The following KHDC4 variants were observed in gnomAD, a reference collection of about 807,000 sequenced individuals.
The protein encoded by KHDC4 is KH domain containing 4, pre-mRNA splicing factor.
A neutral mutation model predicts 74.5 loss-of-function variants in KHDC4; 19 were observed. That is an observed-to-expected ratio of 0.26 (90% CI 0.18 to 0.37). KHDC4 has a LOEUF of 0.37. KHDC4 is among the 10% of genes least tolerant of loss of function. KHDC4 has a pLI of 1.00. For missense variants in KHDC4, 632 were observed against 754.1 expected (o/e 0.84, Z 1.90); for synonymous variants, 253 against 266.1 (o/e 0.95, Z 0.48).
chr1:155,928,495 A>G (rs1674070685), intron 4 of KHDC4, among the ~76,000 whole-genome samples: 1 of 151,954 alleles, frequency 6.6e-6, no homozygotes, highest in Non-Finnish European at 1.5e-5. Context: ...CTATCAACTG[A>G]CAGTGAAGAG....
At chr1:155,933,513 T>C (rs1291386492) in intron 2 of KHDC4, 120 bp downstream of exon 2, 4 of 682,586 alleles carry the variant, frequency 5.9e-6, no homozygotes, top group South Asian at 2.0e-5. Flanking sequence ...CTCAAACTCC[T>C]GACCTTGTGA....
intron 10 of KHDC4, among the ~76,000 whole-genome samples, chr1:155,919,303 C>T (rs1673801422): frequency 6.6e-6 from 1 of 152,100 alleles, no homozygotes; most frequent in African/African-American, 2.4e-5. Context: ...TGCTGTATTG[C>T]TTCCCAATTA....
At chr1:155,933,885 G>A (rs1315392639) in intron 1 of KHDC4, 36 bp from the exon 2 acceptor site, 18 of 1,450,824 alleles carry the variant, frequency 1.2e-5, no homozygotes, top group Non-Finnish European at 1.7e-5. Context: ...AGGCCCCAAA[G>A]CTTTCGTGTA....
Position 155,925,822 on chromosome 1 carries a change from A to G in KHDC4, c.703T>C (p.Leu235=), listed in dbSNP as rs1447216100. The change falls in exon 7 of 14, where the codon TTA becomes CTA. Residue 235 remains leucine (L), a synonymous_variant. Coordinates refer to ENST00000368321, the MANE Select transcript of KHDC4 (RefSeq NM_014949.4). ...ACAGCATGTTCTAGACCCACAAATAATTTATCTTGAACATAATGCATCTGT... is the reference window on the plus strand; with the variant it reads ...ACAGCATGTTCTAGACCCACAAATAGTTTATCTTGAACATAATGCATCTGT... ...QSGMHYVQDK[L]FVGLEHAVPT... 1.2e-6 allele frequency: 2 copies of G among 1,613,114 alleles called. No homozygotes were observed. The highest frequency in any genetic ancestry group is 2.7e-5 in the African/African-American group (2 of 74,932).
rs1673979019 is a variant in KHDC4 at position 155,925,851 on chromosome 1, A to G, written c.682-8T>C. 9.5e-6 allele frequency: 15 copies of G among 1,577,862 alleles called. No homozygotes were observed. Among genetic ancestry groups the G allele is most frequent in the Non-Finnish European group, 1.2e-5 (14 of 1,147,092 alleles). The stretch of plus-strand genomic sequence containing the variant: ...ATCTTGAACATAATGCATCTGTAGG[A>G]AGAACAGAATACTTCAGATTAAACA... On this transcript the variant is annotated splice_polypyrimidine_tract_variant and splice_region_variant and intron_variant, in intron 6 of 13. Transcript: ENST00000368321.
chr1:155,929,622 C>T, intron 3 of KHDC4, 90 bp downstream of exon 3: 2 of 1,434,184 alleles, frequency 1.4e-6, no homozygotes, highest in Non-Finnish European at 1.9e-6. Context: ...CCCAAACCCA[C>T]TAATAAATAT....
At chr1:155,916,893 A>C in intron 11 of KHDC4, 156 bp from the exon 12 acceptor site, 1 of 556,346 alleles carries the variant, frequency 1.8e-6, no homozygotes, top group Non-Finnish European at 3.2e-6. Context: ...AACTGTAGTC[A>C]AAAGTAGGGA....
rs1673974925 is a variant in KHDC4, at chr1:155,925,663, C to G, written c.862G>C (p.Glu288Gln). ...TAAATATACATAGGTTCAAAAGCTT[C>G]TCGGCCAGATGCTGGCTCAATGCAG... The part of the protein sequence containing the change: ...SGCIEPASGR[E>Q]AFEPMYIYIS... The change falls in exon 7 of 14, where the codon GAA becomes CAA. Residue 288 changes from glutamate (E) to glutamine (Q), a missense_variant. Around this residue, in one of 4 missense-constraint regions of KHDC4, gnomAD observed 233 missense variants for 342.6 expected, o/e 0.68. Transcript: ENST00000368321. 6.2e-7 allele frequency: 1 copy of G among 1,614,078 alleles called. No individual in the cohort carries two copies. The highest frequency in any genetic ancestry group is 1.3e-5 in the African/African-American group (1 of 74,938).
rs760168909 is a variant in KHDC4, at chr1:155,916,667, G to A, written c.1511C>T (p.Ser504Leu). ...SSQNEIEGAG[S>L]KPASSSGKER... ...TTTGCCTGAGGAACTTGCTGGCTTC[G>A]ATCCTGCACCTTCAATCTCATTCTG... The change falls in exon 12 of 14, where the codon TCG (serine) becomes TTG (leucine). Residue 504 changes from serine (S) to leucine (L), a missense_variant. Ser to Leu is a moderately radical substitution (Grantham distance 145, BLOSUM62 -2). Coordinates refer to ENST00000368321, the MANE Select transcript of KHDC4 (RefSeq NM_014949.4). The A allele has an allele frequency of 1.4e-5, 22 of 1,613,572 alleles. No individual in the cohort carries two copies. The highest frequency in any genetic ancestry group is 1.7e-5 in the Non-Finnish European group (20 of 1,179,948).
chr1:155,921,535 G>A lies in KHDC4; in HGVS notation c.1106C>T (p.Pro369Leu). Residue 369 changes from proline to leucine, a missense_variant, in exon 10 of 14, where the codon CCT becomes CTT. Pro to Leu is a moderately conservative substitution (Grantham distance 98). Around this residue, in one of 4 missense-constraint regions of KHDC4, gnomAD observed 254 missense variants for 267.4 expected, o/e 0.95. Transcript: ENST00000368321. Reference sequence around the variant, plus strand: ...GGGAGGTTGAACTGGCTGCTGAGGAGGGGGAACAACAGGGTAACCAGACTG... The same window carrying A: ...GGGAGGTTGAACTGGCTGCTGAGGAAGGGGAACAACAGGGTAACCAGACTG... Reference protein sequence around the residue: ...GYQSGYPVVPPPQQPVQPPYG... With the variant: ...GYQSGYPVVPLPQQPVQPPYG... 1 of 1,614,114 alleles carries A rather than the reference G, an allele frequency of 6.2e-7. No homozygotes were observed.
chr1:155,933,343 T>C (rs1176030959), intron 2 of KHDC4, among the ~76,000 whole-genome samples: 2 of 150,634 alleles, frequency 1.3e-5, no homozygotes, highest in East Asian at 3.9e-4. Flanking sequence ...CAGGCTAGAG[T>C]GCACTGGCAC....
Position 155,913,867 on chromosome 1 carries a change from A to C in KHDC4, c.*254T>G. 1 of 487,788 alleles carries C rather than the reference A, an allele frequency of 2.1e-6. No individual in the cohort carries two copies. The highest frequency in any genetic ancestry group is 3.6e-5 in the East Asian group (1 of 27,592). 30.2% of individuals were successfully genotyped at this position (487,788 alleles called of 1,614,324 possible). ...TTAGGATGCTTTGTTGGACAAGCAC[A>C]TTTCACCAACTGTTAAAAAGCTTCT... On this transcript the variant is annotated 3_prime_UTR_variant, in exon 14 of 14. Coordinates refer to ENST00000368321, the MANE Select transcript of KHDC4 (RefSeq NM_014949.4).
intron 13 of KHDC4, chr1:155,915,542 C>G (rs1228821172): frequency 6.0e-6 from 2 of 332,626 alleles, no homozygotes; most frequent in Non-Finnish European, 5.4e-6. Flanking sequence ...GAGTCTTGCT[C>G]TATTGCCCAG....
chr1:155,922,065 C>T (rs1187063422), intron 8 of KHDC4, 147 bp from the exon 9 acceptor site: 1 of 363,402 alleles, frequency 2.8e-6, no homozygotes, highest in Non-Finnish European at 4.6e-6. Flanking sequence ...GTTTAACCCA[C>T]ATTTTTTTTT....
intron 8 of KHDC4, 48 bp from the exon 9 acceptor site, chr1:155,921,966 CA>C: frequency 8.3e-7 from 1 of 1,204,936 alleles, no homozygotes; most frequent in Non-Finnish European, 1.2e-6. Flanking sequence ...CGAAGCTGTG[CA>C]TTTACAAGGG....
chr1:155,920,931 G>T (rs1411246145), intron 10 of KHDC4, among the ~76,000 whole-genome samples: 1 of 152,172 alleles, frequency 6.6e-6, no homozygotes, highest in Non-Finnish European at 1.5e-5. Context: ...ATGGCCAAGG[G>T]TATGGCAAAC....
chr1:155,933,095 G>C (rs974248402), intron 2 of KHDC4, among the ~76,000 whole-genome samples: 1 of 152,130 alleles, frequency 6.6e-6, no homozygotes, highest in Non-Finnish European at 1.5e-5. Context: ...TACAGCTTAA[G>C]CTGAACTAAG....
At chr1:155,919,706 G>A (rs1184007436) in intron 10 of KHDC4, among the ~76,000 whole-genome samples, 1 of 152,076 alleles carries the variant, frequency 6.6e-6, no homozygotes, top group East Asian at 1.9e-4. Context: ...AGCTACTCGG[G>A]AGGCTGAGGC....
intron 11 of KHDC4, 182 bp from the exon 12 acceptor site, chr1:155,916,919 A>G (rs1190201118): frequency 2.0e-6 from 1 of 512,388 alleles, no homozygotes; most frequent in Non-Finnish European, 3.4e-6. Flanking sequence ...TTTTTTCTCT[A>G]TAGGACTTGG....
Sources: allele counts gnomAD v4.1 joint callset (sites outside exome capture counted in the v4.1 genomes callset), GRCh38; gene constraint gnomAD v4.1.1; regional missense constraint gnomAD v4.1.1; transcripts MANE v1.5; gene names NCBI Gene and HGNC (gene_info 2026-07-23, HGNC 2026-07-21).